ARHGAP24: variants seen among roughly 807,000 people sequenced by gnomAD.
ARHGAP24 encodes rho GTPase-activating protein 24.
A neutral mutation model predicts 76.4 loss-of-function variants in ARHGAP24; 50 were observed. That is an observed-to-expected ratio of 0.65 (90% CI 0.52 to 0.83). The LOEUF is 0.83. Ranked by LOEUF, ARHGAP24 falls within the 40% of genes least tolerant of loss-of-function variation. The pLI is 0.00. For missense variants in ARHGAP24, 930 were observed against 914.2 expected (o/e 1.02, Z -0.22); for synonymous variants, 345 against 323.3 (o/e 1.07, Z -0.72).
chr4:85,661,930 G>A (rs182749433), intron 2 of ARHGAP24, among the ~76,000 whole-genome samples: 4,456 of 152,148 alleles, frequency 0.029, 203 homozygotes, highest in African/African-American at 0.1. Flanking sequence ...TTGGACATTT[G>A]GGTTGGTTCC....
At chr4:85,805,086 C>T (rs967074115) in intron 3 of ARHGAP24, among the ~76,000 whole-genome samples, 4 of 152,086 alleles carry the variant, frequency 2.6e-5, no homozygotes, top group African/African-American at 9.7e-5. Flanking sequence ...ATAGCAAATA[C>T]GAATGCAAGT....
intron 4 of ARHGAP24, chr4:85,924,819 T>G (rs888395319): frequency 1.3e-5 from 2 of 152,194 alleles, no homozygotes; most frequent in African/African-American, 2.4e-5. Context: ...TTGTAATATA[T>G]CTATGTTTTA....
intron 2 of ARHGAP24, among the ~76,000 whole-genome samples, chr4:85,590,517 G>A (rs989300956): frequency 4.6e-5 from 7 of 151,564 alleles, no homozygotes; most frequent in African/African-American, 1.2e-4. Flanking sequence ...ATGCCACCAC[G>A]CCTAGTTAAT....
At chr4:85,722,109 T>C in intron 3 of ARHGAP24, 137 bp downstream of exon 3, 1 of 755,368 alleles carries the variant, frequency 1.3e-6, no homozygotes, top group Non-Finnish European at 2.3e-6. Context: ...TTGACGCAGA[T>C]AATGACTGCA....
intron 2 of ARHGAP24, among the ~76,000 whole-genome samples, chr4:85,692,695 A>G (rs1723711185): frequency 6.6e-6 from 1 of 152,110 alleles, no homozygotes; most frequent in South Asian, 2.1e-4. Flanking sequence ...TAAAATGGCT[A>G]TTTCATCTTG....
chr4:85,727,712 CACA>C (rs1725222096), intron 3 of ARHGAP24, among the ~76,000 whole-genome samples: 1 of 152,172 alleles, frequency 6.6e-6, no homozygotes, highest in Middle Eastern at 3.2e-3. Context: ...CACCAACCAA[CACA>C]CCTGATATTA....
At chr4:85,846,991 A>G (rs1184756500) in intron 3 of ARHGAP24, among the ~76,000 whole-genome samples, 2 of 152,192 alleles carry the variant, frequency 1.3e-5, no homozygotes, top group Non-Finnish European at 2.9e-5. Flanking sequence ...AGAGATCTTG[A>G]GTGCCAACTG....
intron 3 of ARHGAP24, among the ~76,000 whole-genome samples, chr4:85,882,342 T>C (rs1733307270): frequency 6.6e-6 from 1 of 152,240 alleles, no homozygotes; most frequent in South Asian, 2.1e-4. Flanking sequence ...ATATGCAAAG[T>C]TTTTGTCTCT....
At chr4:85,759,453 T>C (rs1726650664) in intron 3 of ARHGAP24, among the ~76,000 whole-genome samples, 1 of 152,100 alleles carries the variant, frequency 6.6e-6, no homozygotes, top group Admixed American at 6.6e-5. Flanking sequence ...CCACCTTGAT[T>C]AGAGAAGGAG....
At chr4:85,494,378 G>C (rs188081624) in intron 1 of ARHGAP24, among the ~76,000 whole-genome samples, 100 of 151,658 alleles carry the variant, frequency 6.6e-4, no homozygotes, top group Admixed American at 1.3e-3. Flanking sequence ...ACAGTGTTTG[G>C]TTTTCTGTTC....
At chr4:85,882,236 A>G (rs567311748) in intron 3 of ARHGAP24, among the ~76,000 whole-genome samples, 4 of 152,292 alleles carry the variant, frequency 2.6e-5, no homozygotes, top group Middle Eastern at 3.4e-3. Context: ...GAACTTGGGG[A>G]AAACATTAAG....
At chr4:85,819,618 T>A (rs1423286681) in intron 3 of ARHGAP24, among the ~76,000 whole-genome samples, 1 of 152,218 alleles carries the variant, frequency 6.6e-6, no homozygotes, top group Non-Finnish European at 1.5e-5. Context: ...TGCAAATTTG[T>A]ATTTTTGAAA....
chr4:85,689,546 C>T (rs1210063600), intron 2 of ARHGAP24, among the ~76,000 whole-genome samples: 1 of 152,072 alleles, frequency 6.6e-6, no homozygotes, highest in Non-Finnish European at 1.5e-5. Flanking sequence ...ACCACCACAC[C>T]TGGCTACTTT....
chr4:85,880,824 A>G (rs1733211117), intron 3 of ARHGAP24, among the ~76,000 whole-genome samples: 1 of 152,190 alleles, frequency 6.6e-6, no homozygotes, highest in Non-Finnish European at 1.5e-5. Flanking sequence ...TAACTTTTTA[A>G]TGTGGCCTTA....
chr4:85,942,332 A>G lies in ARHGAP24; in HGVS notation c.599+59A>G, dbSNP rs1737000698. 7.6e-6 allele frequency: 12 copies of G among 1,573,352 alleles called. No individual in the cohort carries two copies. The South Asian group carries it at 1.1e-4, about 15-fold the overall frequency. On this transcript the variant is annotated intron_variant, in intron 5 of 9. Coordinates refer to ENST00000395184, the MANE Select transcript of ARHGAP24 (RefSeq NM_001025616.3). ...GAGAAATTCAGACTCAACTGACAGG[A>G]TGCAGTGAGCTGAGGAGGCATAACC... is the stretch of plus-strand genomic sequence containing the variant.
At chr4:85,606,481 C>A (rs943564600) in intron 2 of ARHGAP24, among the ~76,000 whole-genome samples, 1 of 150,718 alleles carries the variant, frequency 6.6e-6, no homozygotes, top group Admixed American at 6.6e-5. Flanking sequence ...CCACTGCACT[C>A]CAGCCTGGGC....
intron 3 of ARHGAP24, among the ~76,000 whole-genome samples, chr4:85,725,951 G>A (rs1341047588): frequency 6.6e-6 from 1 of 152,160 alleles, no homozygotes; most frequent in Non-Finnish European, 1.5e-5. Context: ...ACTTAGAGAA[G>A]GAGTGAGTCA....
At chr4:85,762,816 TA>T (rs1441964356) in intron 3 of ARHGAP24, among the ~76,000 whole-genome samples, 1 of 152,214 alleles carries the variant, frequency 6.6e-6, no homozygotes, top group African/African-American at 2.4e-5. Flanking sequence ...AGATTTACTC[TA>T]TACAGTTGGT....
chr4:85,567,647 G>A (rs143211341), intron 1 of ARHGAP24, among the ~76,000 whole-genome samples: 1 of 152,030 alleles, frequency 6.6e-6, no homozygotes, highest in Non-Finnish European at 1.5e-5. Context: ...ATCGTACTGA[G>A]TAGTAAGGGT....
Sources: allele counts gnomAD v4.1 joint callset (sites outside exome capture counted in the v4.1 genomes callset), GRCh38; gene constraint gnomAD v4.1.1; transcripts MANE v1.5; gene names NCBI Gene and HGNC (gene_info 2026-07-23, HGNC 2026-07-21).